Variants in ATP2B4 observed in about 807,000 individuals in gnomAD.
ATP2B4 encodes plasma membrane calcium-transporting ATPase 4.
ATP2B4 carries 39 observed loss-of-function variants against 110.3 expected under a neutral mutation model. The observed-to-expected ratio is 0.35, with a 90% CI of 0.27 to 0.46. ATP2B4 has a LOEUF of 0.46. Ranked by LOEUF, ATP2B4 falls within the 20% of genes least tolerant of loss-of-function variation. ATP2B4 has a pLI of 1.00. For synonymous variants in ATP2B4, 538 were observed against 571.7 expected (o/e 0.94, Z 0.84); for missense variants, 1,135 against 1,530.9 (o/e 0.74, Z 4.32).
At chr1:203,700,765 C>T (rs1355455990) in intron 5 of ATP2B4, 33 bp from the exon 6 acceptor site, 1 of 1,610,172 alleles carries the variant, frequency 6.2e-7, no homozygotes, top group Non-Finnish European at 8.5e-7. Flanking sequence ...ATTAAAAAAC[C>T]CATTCCTTCC....
intron 1 of ATP2B4, among the ~76,000 whole-genome samples, chr1:203,635,209 G>A (rs1663403329): frequency 6.6e-6 from 1 of 151,794 alleles, no homozygotes; most frequent in Non-Finnish European, 1.5e-5. Flanking sequence ...CCCAACCTCA[G>A]GTGATCCACC....
At chr1:203,710,186 T>C (rs1665965124) in intron 11 of ATP2B4, among the ~76,000 whole-genome samples, 1 of 152,012 alleles carries the variant, frequency 6.6e-6, no homozygotes, top group East Asian at 1.9e-4. Context: ...ACCAACATGG[T>C]GAAACCCTGT....
At chr1:203,730,450 C>T (rs796943620) in intron 20 of ATP2B4, among the ~76,000 whole-genome samples, 47 of 152,268 alleles carry the variant, frequency 3.1e-4, no homozygotes, top group African/African-American at 7.2e-4. Flanking sequence ...TAGAACCTGG[C>T]GCCTTTGGCT....
intron 15 of ATP2B4, among the ~76,000 whole-genome samples, chr1:203,718,358 G>T (rs939501591): frequency 2.6e-5 from 4 of 151,920 alleles, no homozygotes; most frequent in African/African-American, 9.7e-5. Context: ...GAGTGCAGTG[G>T]CATGATCTTG....
At chr1:203,666,923 A>C (rs542404591) in intron 1 of ATP2B4, among the ~76,000 whole-genome samples, 1 of 152,180 alleles carries the variant, frequency 6.6e-6, no homozygotes, top group East Asian at 1.9e-4. Flanking sequence ...GTGTACTCAC[A>C]ATTGTGAGCT....
rs767040893 is a variant in ATP2B4 at position 203,707,889 on chromosome 1, C to A, written c.1342C>A (p.Arg448=). ...KKMMKDNNLV[R]HLDACETMGN... is the part of the protein sequence containing the mutation. ...AATGATGAAAGACAATAACCTAGTA[C>A]GGCACTTGGATGCTTGTGAGACCAT... Residue 448 remains arginine, a synonymous_variant, in exon 10 of 21, where the codon CGG becomes AGG. Transcript: ENST00000357681. The A allele has an allele frequency of 6.8e-6, 11 of 1,614,168 alleles. No individual in the cohort carries two copies. Among genetic ancestry groups the A allele is most frequent in the African/African-American group, 1.3e-5 (1 of 75,040 alleles).
chr1:203,684,457 G>A (rs1665117275), intron 2 of ATP2B4, among the ~76,000 whole-genome samples: 1 of 151,092 alleles, frequency 6.6e-6, no homozygotes, highest in Non-Finnish European at 1.5e-5. Flanking sequence ...CCAGGTTCAA[G>A]CAATTCTCAT....
chr1:203,708,153 A>G (rs1163035304), intron 10 of ATP2B4, 49 bp downstream of exon 10: 3 of 1,606,486 alleles, frequency 1.9e-6, no homozygotes, highest in Non-Finnish European at 2.6e-6. Context: ...TTGGAAGGGA[A>G]CATCCATTTT....
chr1:203,707,911 C>G lies in ATP2B4; in HGVS notation c.1364C>G (p.Thr455Ser). Residue 455 changes from threonine (T) to serine (S), a missense_variant, in exon 10 of 21, where the codon ACC becomes AGC. By Grantham distance (58) the Thr-to-Ser change is moderately conservative. This residue lies in a region of ATP2B4 where 368 missense variants were observed against 455.9 expected (regional missense o/e 0.81). Coordinates refer to ENST00000357681, the MANE Select transcript of ATP2B4 (RefSeq NM_001684.5). ...NLVRHLDACETMGNATAICSD... is the reference protein window; with the variant it reads ...NLVRHLDACESMGNATAICSD... ...GTACGGCACTTGGATGCTTGTGAGACCATGGGCAACGCCACCGCCATCTGC... is the reference window on the plus strand; with the variant it reads ...GTACGGCACTTGGATGCTTGTGAGAGCATGGGCAACGCCACCGCCATCTGC... The G allele has an allele frequency of 1.9e-6, 3 of 1,614,146 alleles. No individual in the cohort carries two copies. Among genetic ancestry groups the G allele is most frequent in the Non-Finnish European group, 2.5e-6 (3 of 1,180,026 alleles).
chr1:203,695,918 A>T (rs957155977), intron 2 of ATP2B4, among the ~76,000 whole-genome samples: 3 of 151,978 alleles, frequency 2.0e-5, no homozygotes, highest in African/African-American at 7.3e-5. Flanking sequence ...TCCTTTTGAC[A>T]TTTAAGGTAA....
chr1:203,721,824 G>T (rs1045897587), intron 17 of ATP2B4, among the ~76,000 whole-genome samples: 4 of 151,562 alleles, frequency 2.6e-5, no homozygotes, highest in African/African-American at 9.7e-5. Flanking sequence ...CACCACACCC[G>T]GCTACTTTTT....
Position 203,739,743 on chromosome 1 carries a change from G to T in ATP2B4, c.3507G>T (p.Leu1169Phe). Residue 1169 changes from leucine (L) to phenylalanine (F), a missense_variant, in exon 21 of 21, where the codon TTG (leucine) becomes TTT (phenylalanine). Coordinates refer to ENST00000357681, the MANE Select transcript of ATP2B4 (RefSeq NM_001684.5). ...AGTTTGGGACTAGGGTGCTCCTGTTGGATGGTGAGGTCACTCCATATGCCA... is the reference window on the plus strand; with the variant it reads ...AGTTTGGGACTAGGGTGCTCCTGTTTGATGGTGAGGTCACTCCATATGCCA... Reference protein sequence around the residue: ...ASKFGTRVLLLDGEVTPYANT... With the variant: ...ASKFGTRVLLFDGEVTPYANT... 6.2e-7 allele frequency: 1 copy of T among 1,614,162 alleles called. No homozygotes were observed. The highest frequency in any genetic ancestry group is 8.5e-7 in the Non-Finnish European group (1 of 1,180,028).
At chr1:203,662,148 C>T (rs1210512375) in intron 1 of ATP2B4, among the ~76,000 whole-genome samples, 1 of 152,002 alleles carries the variant, frequency 6.6e-6, no homozygotes, top group Non-Finnish European at 1.5e-5. Context: ...CTCAGCCTCC[C>T]GAGTAGCTGG....
chr1:203,660,654 G>C (rs1157377762), intron 1 of ATP2B4, among the ~76,000 whole-genome samples: 1 of 151,996 alleles, frequency 6.6e-6, no homozygotes, highest in African/African-American at 2.4e-5. Flanking sequence ...ACAAAAATTA[G>C]CTGGGCATGG....
chr1:203,664,987 G>A (rs1353477792), intron 1 of ATP2B4, among the ~76,000 whole-genome samples: 7 of 152,022 alleles, frequency 4.6e-5, no homozygotes, highest in African/African-American at 1.7e-4. Context: ...GCCTGCCACC[G>A]CGCCTGGCTA....
intron 1 of ATP2B4, among the ~76,000 whole-genome samples, chr1:203,676,749 C>T (rs2102352321): frequency 6.7e-6 from 1 of 148,898 alleles, no homozygotes; most frequent in Non-Finnish European, 1.5e-5. Context: ...GCTCTCCAGG[C>T]AGGAATTGGA....
chr1:203,643,059 TC>T (rs943069158), intron 1 of ATP2B4, among the ~76,000 whole-genome samples: 2 of 152,128 alleles, frequency 1.3e-5, no homozygotes, highest in Admixed American at 6.6e-5. Context: ...GCCCACTGTC[TC>T]CCCGTAGCGA....
chr1:203,681,845 T>C (rs1372188175), intron 1 of ATP2B4, among the ~76,000 whole-genome samples: 2 of 151,956 alleles, frequency 1.3e-5, no homozygotes, highest in East Asian at 3.9e-4. Context: ...TTGAGAGGTA[T>C]CTTACCGCTC....
rs150501391 is a variant in ATP2B4, at chr1:203,670,155, G to A, written c.-464-12587G>A. On this transcript the variant is annotated intron_variant, in intron 1 of 20. Transcript: ENST00000357681. Reference sequence around the variant, plus strand: ...ATGTATTCCCAAGTAATGGCCACTCGGCTTGAGTTCATACTCTTTTTTATT... The same window carrying A: ...ATGTATTCCCAAGTAATGGCCACTCAGCTTGAGTTCATACTCTTTTTTATT... Among the ~76,000 whole-genome samples the A allele has an allele frequency of 2.2e-3, 326 of 150,084 alleles. 2 individuals are homozygous for A. The highest frequency in any genetic ancestry group is 7.8e-3 in the African/African-American group (322 of 41,228).
Sources: gnomAD v4.1 joint callset for allele counts (sites outside exome capture counted in the v4.1 genomes callset) on GRCh38, gnomAD v4.1.1 for gene constraint, gnomAD v4.1.1 regional missense constraint, MANE v1.5 for transcripts, NCBI Gene and HGNC (gene_info 2026-07-23, HGNC 2026-07-21) for gene names.